ST18: variants seen among roughly 807,000 people sequenced by gnomAD.
The protein encoded by ST18 is suppression of tumorigenicity 18 protein.
ST18 carries 50 observed loss-of-function variants against 110.0 expected under a neutral mutation model. The observed-to-expected ratio is 0.45, with a 90% confidence interval of 0.36 to 0.58. The LOEUF is 0.58. ST18 is among the 20% of genes least tolerant of loss of function. The probability of loss-of-function intolerance (pLI) is 0.00; values close to 1 mark genes in which losing one functional copy is unlikely to be tolerated. For synonymous variants in ST18, 461 were observed against 452.4 expected (o/e 1.02, Z -0.24); for missense variants, 1,306 against 1,280.1 (o/e 1.02, Z -0.31).
chr8:52,400,961 TG>T (rs933476553), intron 2 of ST18, among the ~76,000 whole-genome samples: 4 of 152,210 alleles, frequency 2.6e-5, no homozygotes, highest in African/African-American at 9.6e-5. Flanking sequence ...ATCATCCTTT[TG>T]TTTCTGGTTA....
At chr8:52,357,698 T>C (rs866940182) in intron 2 of ST18, among the ~76,000 whole-genome samples, 1 of 91,356 alleles carries the variant, frequency 1.1e-5, no homozygotes, top group Non-Finnish European at 2.4e-5. Flanking sequence ...TATATATATA[T>C]ATATATATAT....
At chr8:52,138,015 G>A (rs1040018810) in intron 17 of ST18, among the ~76,000 whole-genome samples, 2 of 150,756 alleles carry the variant, frequency 1.3e-5, no homozygotes, top group African/African-American at 2.4e-5. Flanking sequence ...CAGGAGAATC[G>A]GCTGAACTCA....
chr8:52,156,923 C>T (rs1374170345), intron 15 of ST18, among the ~76,000 whole-genome samples: 3 of 152,168 alleles, frequency 2.0e-5, no homozygotes, highest in Non-Finnish European at 2.9e-5. Flanking sequence ...AATCTGTGTG[C>T]TCTCTGTCTC....
chr8:52,220,955 T>C (rs1466298239), intron 4 of ST18, 107 bp from the exon 5 acceptor site: 1 of 152,236 alleles, frequency 6.6e-6, no homozygotes, highest in Non-Finnish European at 1.5e-5. Flanking sequence ...TTGACACTTA[T>C]CTATAGTTTG....
At chr8:52,129,811 A>G (rs576983003) in intron 22 of ST18, among the ~76,000 whole-genome samples, 7 of 152,138 alleles carry the variant, frequency 4.6e-5, no homozygotes, top group South Asian at 2.1e-4. Context: ...TTGGGAGGCC[A>G]AGGTGGGCAG....
At chr8:52,209,537 C>T (rs924451514) in intron 8 of ST18, among the ~76,000 whole-genome samples, 1 of 151,648 alleles carries the variant, frequency 6.6e-6, no homozygotes, top group South Asian at 2.1e-4. Flanking sequence ...TTTGGGAGGC[C>T]GAGGTGGGTG....
chr8:52,290,603 A>T (rs895374802), intron 2 of ST18, among the ~76,000 whole-genome samples: 4 of 151,876 alleles, frequency 2.6e-5, no homozygotes, highest in Non-Finnish European at 5.9e-5. Context: ...AGAGGCGGGG[A>T]TGTTGAGTCT....
intron 2 of ST18, among the ~76,000 whole-genome samples, chr8:52,378,236 C>T (rs187915099): frequency 4.9e-4 from 74 of 152,100 alleles, no homozygotes; most frequent in Non-Finnish European, 9.1e-4. Context: ...TTTAAGACAA[C>T]TAAAAGAGTG....
intron 7 of ST18, among the ~76,000 whole-genome samples, chr8:52,213,948 A>T (rs2083145526): frequency 6.6e-6 from 1 of 152,210 alleles, no homozygotes; most frequent in African/African-American, 2.4e-5. Flanking sequence ...GTTTTGCGTG[A>T]TGTTCAAATC....
chr8:52,347,660 A>T (rs530457654), intron 2 of ST18, among the ~76,000 whole-genome samples: 15 of 152,226 alleles, frequency 9.9e-5, no homozygotes, highest in Non-Finnish European at 2.2e-4. Context: ...ATTAATGACT[A>T]CTTACTGTAT....
At chr8:52,153,737 G>C (rs984622303) in intron 15 of ST18, among the ~76,000 whole-genome samples, 15 of 152,344 alleles carry the variant, frequency 9.8e-5, no homozygotes, top group African/African-American at 2.9e-4. Context: ...CTTAAGAAGA[G>C]AAGTTAGACA....
At chr8:52,259,784 C>G (rs556635328) in intron 2 of ST18, among the ~76,000 whole-genome samples, 55 of 152,310 alleles carry the variant, frequency 3.6e-4, no homozygotes, top group African/African-American at 1.1e-3. Context: ...TCACAGACTC[C>G]ATGCTCTTAA....
intron 2 of ST18, among the ~76,000 whole-genome samples, chr8:52,344,606 G>A (rs150381282): frequency 4.9e-4 from 75 of 152,192 alleles, no homozygotes; most frequent in African/African-American, 1.6e-3. Flanking sequence ...TCACCATGTT[G>A]GCCAGGCTGG....
intron 21 of ST18, 149 bp from the exon 22 acceptor site, chr8:52,132,328 C>T (rs971653508): frequency 2.5e-5 from 16 of 645,182 alleles, no homozygotes; most frequent in East Asian, 8.2e-5. Flanking sequence ...CTCAGAGCTA[C>T]GCGATTTTCA....
intron 3 of ST18, among the ~76,000 whole-genome samples, chr8:52,227,761 C>T (rs933416735): frequency 1.3e-5 from 2 of 152,132 alleles, no homozygotes; most frequent in Admixed American, 6.5e-5. Context: ...TTGACAGCAT[C>T]GCCCAGAATT....
chr8:52,232,387 T>C (rs948918840), intron 2 of ST18, among the ~76,000 whole-genome samples: 1 of 152,202 alleles, frequency 6.6e-6, no homozygotes, highest in Non-Finnish European at 1.5e-5. Context: ...TATTTAAACT[T>C]GCCAAAAGCA....
chr8:52,380,752 T>C (rs1377468133), intron 2 of ST18, among the ~76,000 whole-genome samples: 2 of 152,162 alleles, frequency 1.3e-5, no homozygotes, highest in African/African-American at 4.8e-5. Context: ...TGGCAATTGA[T>C]CTTATTCCCT....
At chr8:52,160,210 A>G (rs924293345) in intron 14 of ST18, among the ~76,000 whole-genome samples, 1 of 152,234 alleles carries the variant, frequency 6.6e-6, no homozygotes, top group Admixed American at 6.5e-5. Context: ...GTATAGGCAC[A>G]CACAAAATTG....
At chr8:52,219,987 C>T (rs898121140) in intron 5 of ST18, among the ~76,000 whole-genome samples, 2 of 152,160 alleles carry the variant, frequency 1.3e-5, no homozygotes, top group Non-Finnish European at 2.9e-5. Flanking sequence ...CCTATTATTC[C>T]CTTAGGTAAC....
Sources: gnomAD v4.1 joint callset for allele counts (sites outside exome capture counted in the v4.1 genomes callset) on GRCh38, gnomAD v4.1.1 for gene constraint, MANE v1.5 for transcripts, NCBI Gene and HGNC (gene_info 2026-07-23, HGNC 2026-07-21) for gene names.